Variants in TMTC1 observed in about 807,000 individuals in gnomAD.
TMTC1 encodes protein O-mannosyl-transferase TMTC1.
TMTC1 carries 73 observed loss-of-function variants against 104.8 expected under a neutral mutation model. The ratio of observed to expected loss-of-function variants is 0.70; its 90% confidence interval spans 0.58 to 0.85. TMTC1 has a LOEUF of 0.85. Ranked by LOEUF, TMTC1 falls within the 40% of genes least tolerant of loss-of-function variation. The pLI, the probability that TMTC1 is intolerant of heterozygous loss-of-function variation, is 0.00. For synonymous variants in TMTC1, 434 were observed against 428.7 expected, an observed-to-expected ratio of 1.01 and a Z score of -0.15; for missense variants, 1,035 against 1,096.1, an observed-to-expected ratio of 0.94 and a Z score of 0.79.
intron 6 of TMTC1, among the ~76,000 whole-genome samples, chr12:29,616,528 C>T (rs1357298003): frequency 1.3e-5 from 2 of 151,918 alleles, no homozygotes; most frequent in Non-Finnish European, 2.9e-5. Flanking sequence ...ATTAGCCAGG[C>T]ATGGTGGTGG....
intron 6 of TMTC1, among the ~76,000 whole-genome samples, chr12:29,629,822 T>C (rs1043250235): frequency 2.6e-5 from 4 of 152,242 alleles, no homozygotes; most frequent in Non-Finnish European, 4.4e-5. Context: ...TTGTATGTTA[T>C]ATAACTTTCA....
At chr12:29,660,669 A>T (rs1334419662) in intron 5 of TMTC1, 1 of 282,892 alleles carries the variant, frequency 3.5e-6, no homozygotes, top group Non-Finnish European at 6.2e-6. Flanking sequence ...CAACTGTTTG[A>T]TCCCAATGTC....
At chr12:29,660,022 TA>T in intron 5 of TMTC1, 2 of 1,450,308 alleles carry the variant, frequency 1.4e-6, no homozygotes, top group East Asian at 4.9e-5. Flanking sequence ...TTGCCACCAA[TA>T]ATCTCCACCC....
chr12:29,704,739 T>C (rs1377345255), intron 5 of TMTC1, among the ~76,000 whole-genome samples: 3 of 152,070 alleles, frequency 2.0e-5, no homozygotes, highest in African/African-American at 7.2e-5. Flanking sequence ...TGACAGCACA[T>C]GTGTTATGAT....
intron 6 of TMTC1, among the ~76,000 whole-genome samples, chr12:29,619,248 G>T (rs1947066999): frequency 6.6e-6 from 1 of 152,170 alleles, no homozygotes; most frequent in Non-Finnish European, 1.5e-5. Flanking sequence ...AAATGTAATT[G>T]CCTGTGAAGG....
chr12:29,601,027 C>T (rs1230967074), intron 7 of TMTC1, among the ~76,000 whole-genome samples: 2 of 152,170 alleles, frequency 1.3e-5, no homozygotes, highest in East Asian at 1.9e-4. Flanking sequence ...AGGTTGGTTC[C>T]GGGAGGCAGG....
chr12:29,611,551 G>A (rs1946846912), intron 6 of TMTC1, among the ~76,000 whole-genome samples: 1 of 152,200 alleles, frequency 6.6e-6, no homozygotes, highest in Non-Finnish European at 1.5e-5. Context: ...TTAGAAAAAT[G>A]TTGGTGAATA....
rs1183980222 is a variant in TMTC1, at chr12:29,680,391, A to C, written c.939-47055T>G. ...AGCTCTTGAACAAATGGCTGTTTCC[A>C]GGTCGGAGGTAGAAAATAAATAAGA... is the stretch of plus-strand genomic sequence containing the variant. On this transcript the variant is annotated intron_variant, in intron 5 of 17. Transcript: ENST00000539277. 2.6e-5 allele frequency among the ~76,000 whole-genome samples: 4 copies of C among 152,206 alleles called. No individual in the cohort carries two copies. The East Asian group carries it at 7.7e-4, about 29-fold the overall frequency.
chr12:29,744,770 T>C (rs905430153), intron 5 of TMTC1, among the ~76,000 whole-genome samples: 3 of 152,210 alleles, frequency 2.0e-5, no homozygotes, highest in Non-Finnish European at 1.5e-5. Flanking sequence ...AAAAAGCTAC[T>C]TTAATGAGAC....
rs71453749 is a variant in TMTC1 at position 29,614,000 on chromosome 12, C to G, written c.1129-9701G>C. ...TCTAAAATTAATAAGGAGAAAGAAC[C>G]ATAAAAAAGTTCACACAGTTTCACT... On this transcript the variant is annotated intron_variant, in intron 6 of 17. Transcript: ENST00000539277. 7.3e-3 allele frequency: 6,310 copies of G among 868,270 alleles called. 40 individuals are homozygous for G. Among genetic ancestry groups the G allele is most frequent in the South Asian group, 0.036 (689 of 18,908 alleles). 53.8% of individuals were successfully genotyped at this position (868,270 alleles called of 1,614,324 possible).
At chr12:29,644,294 T>C (rs947042581) in intron 5 of TMTC1, among the ~76,000 whole-genome samples, 2 of 151,162 alleles carry the variant, frequency 1.3e-5, no homozygotes, top group Non-Finnish European at 2.9e-5. Flanking sequence ...TTCTCACCGA[T>C]ATGCGGGAGC....
At position 29,619,898 on chromosome 12, in the gene TMTC1, T is replaced by C. The variant is rs1369454166; in HGVS notation, c.1128+13249A>G. ...AGTGTGTTACTACTATTACCTCTTATGTCAAGAAGTTAAAGAAGCTCCCTG... is the reference window on the plus strand; with the variant it reads ...AGTGTGTTACTACTATTACCTCTTACGTCAAGAAGTTAAAGAAGCTCCCTG... On this transcript the variant is annotated intron_variant, in intron 6 of 17. Coordinates refer to ENST00000539277, the MANE Select transcript of TMTC1 (RefSeq NM_001193451.2). Among the ~76,000 whole-genome samples the C allele has an allele frequency of 2.0e-5, 3 of 152,202 alleles. No individual in the cohort carries two copies. The East Asian group carries it at 5.8e-4, about 29-fold the overall frequency.
rs184221 is a variant in TMTC1, at chr12:29,783,680, T to C, written c.72A>G (p.Leu24=). ...RTPSRRRGCG[L]APAGAAALLA... is the part of the protein sequence containing the mutation. ...GCAGCGCCGCGGCCCCGGCCGGCGC[T>C]AGCCCGCAGCCCCGCCGCCGGGAGG... is the stretch of plus-strand genomic sequence containing the variant. The change falls in exon 1 of 18, where the codon CTA becomes CTG. Residue 24 remains leucine, a synonymous_variant. Coordinates refer to ENST00000539277, the MANE Select transcript of TMTC1 (RefSeq NM_001193451.2). This position sits in a 1 kb window ranked among gnomAD's most constrained non-coding sequence, Gnocchi z 4.7. 4 of 1,300,190 alleles carry C rather than the reference T, an allele frequency of 3.1e-6. No individual in the cohort carries two copies. The highest frequency in any genetic ancestry group is 6.3e-5 in the East Asian group (2 of 31,986). The allele number at this position is 1,300,190 out of a possible 1,614,324, so 80.5% of individuals were successfully genotyped here.
intron 5 of TMTC1, among the ~76,000 whole-genome samples, chr12:29,647,985 T>TA (rs1939344712): frequency 6.6e-6 from 1 of 152,210 alleles, no homozygotes; most frequent in Non-Finnish European, 1.5e-5. Context: ...AAATGACATT[T>TA]AAGGCTCCAG....
intron 10 of TMTC1, among the ~76,000 whole-genome samples, chr12:29,546,138 C>T (rs753182684): frequency 2.6e-5 from 4 of 152,128 alleles, no homozygotes; most frequent in Non-Finnish European, 5.9e-5. Flanking sequence ...GTTTCCTGGC[C>T]CTGGGCTCTC....
chr12:29,737,569 G>T (rs894376062), intron 5 of TMTC1, among the ~76,000 whole-genome samples: 1 of 152,148 alleles, frequency 6.6e-6, no homozygotes, highest in Non-Finnish European at 1.5e-5. Flanking sequence ...AGCCACTCAG[G>T]GAAAAGGGGA....
At chr12:29,563,926 C>T (rs1405772826) in intron 9 of TMTC1, among the ~76,000 whole-genome samples, 1 of 152,018 alleles carries the variant, frequency 6.6e-6, no homozygotes, top group Non-Finnish European at 1.5e-5. Flanking sequence ...CAGGAGCATA[C>T]AGGACGAGGG....
At chr12:29,732,679 T>A (rs977441226) in intron 5 of TMTC1, among the ~76,000 whole-genome samples, 1 of 152,104 alleles carries the variant, frequency 6.6e-6, no homozygotes, top group African/African-American at 2.4e-5. Flanking sequence ...TTAAAAAAAA[T>A]TACAGTCTGC....
chr12:29,517,486 G>A lies in TMTC1; in HGVS notation c.2110C>T (p.Gln704Ter). The A allele has an allele frequency of 6.2e-7, 1 of 1,614,096 alleles. No individual in the cohort carries two copies. Among genetic ancestry groups the A allele is most frequent in the Non-Finnish European group, 8.5e-7 (1 of 1,180,010 alleles). ...YNTGRYEEAL[Q>*]IYQEAAALQP... ...AGTGCTGCAGCTTCCTGGTAAATCT[G>A]CAAAGCCTCTTCGTATCGGCCAGTG... Residue 704 changes from glutamine (Q) to a stop codon, truncating the protein, a stop_gained, in exon 14 of 18, where the codon CAG (glutamine) becomes TAG (stop). Coordinates refer to ENST00000539277, the MANE Select transcript of TMTC1 (RefSeq NM_001193451.2). LOFTEE classifies it high-confidence loss of function.
Sources: gnomAD v4.1 joint callset for allele counts (sites outside exome capture counted in the v4.1 genomes callset) on GRCh38, gnomAD v4.1.1 for gene constraint, Gnocchi (gnomAD v3.1) non-coding constraint, MANE v1.5 for transcripts, NCBI Gene and HGNC (gene_info 2026-07-23, HGNC 2026-07-21) for gene names.